ATP8B4: variants seen among roughly 807,000 people sequenced by gnomAD.
The protein encoded by ATP8B4 is ATPase phospholipid transporting 8B4 (putative), also known as probable phospholipid-transporting ATPase IM.
In ATP8B4, 133 loss-of-function variants were observed where a neutral mutation model predicts 145.6. That is an observed-to-expected ratio of 0.91 (90% CI 0.79 to 1.05). ATP8B4 has a LOEUF of 1.05. Ranked by LOEUF, ATP8B4 falls within the 50% of genes least tolerant of loss-of-function variation. ATP8B4 has a pLI of 0.00. For missense variants in ATP8B4, 1,458 were observed against 1,425.2 expected, an observed-to-expected ratio of 1.02 and a Z score of -0.37; for synonymous variants, 507 against 492.9, an observed-to-expected ratio of 1.03 and a Z score of -0.38.
At chr15:49,927,973 T>C (rs933057607) in intron 16 of ATP8B4, among the ~76,000 whole-genome samples, 1 of 152,288 alleles carries the variant, frequency 6.6e-6, no homozygotes, top group East Asian at 1.9e-4. Context: ...AACCCTACTG[T>C]TACGTATAAA....
At chr15:50,021,920 G>A (rs2049606551) in intron 6 of ATP8B4, among the ~76,000 whole-genome samples, 1 of 152,110 alleles carries the variant, frequency 6.6e-6, no homozygotes, top group African/African-American at 2.4e-5. Context: ...TAGTTCTAGA[G>A]CTGACACGAG....
chr15:49,884,613 G>GAAAAAAAAAAAAAAAA (rs60012082), intron 23 of ATP8B4, among the ~76,000 whole-genome samples: 2 of 117,656 alleles, frequency 1.7e-5, no homozygotes, highest in Non-Finnish European at 1.7e-5. Flanking sequence ...CAAAAAAAAA[G>GAAAAAAAAAAAAAAAA]AAAAAAAAAA....
chr15:49,952,888 G>A (rs1039979012), intron 14 of ATP8B4, among the ~76,000 whole-genome samples: 9 of 139,628 alleles, frequency 6.4e-5, no homozygotes, highest in African/African-American at 2.2e-4. Flanking sequence ...GTTTTTGTGG[G>A]GGCCTTTTGT....
At chr15:50,129,946 C>CA (rs59921497) in intron 1 of ATP8B4, among the ~76,000 whole-genome samples, 23 of 88,102 alleles carry the variant, frequency 2.6e-4, no homozygotes, top group African/African-American at 5.8e-4. Flanking sequence ...GACTCTGACT[C>CA]AAAAAAAAAA....
chr15:50,039,199 G>A (rs2153600731), intron 5 of ATP8B4, among the ~76,000 whole-genome samples: 1 of 152,298 alleles, frequency 6.6e-6, no homozygotes, highest in African/African-American at 2.4e-5. Context: ...TCTCCCATGT[G>A]TACTGAATGC....
intron 12 of ATP8B4, among the ~76,000 whole-genome samples, chr15:49,979,349 G>C (rs1298679399): frequency 6.6e-6 from 1 of 152,108 alleles, no homozygotes; most frequent in Non-Finnish European, 1.5e-5. Context: ...GGTTACATGA[G>C]ATTATATTGT....
chr15:50,094,698 G>A (rs899247813), intron 2 of ATP8B4, among the ~76,000 whole-genome samples: 2 of 123,022 alleles, frequency 1.6e-5, no homozygotes, highest in Non-Finnish European at 3.5e-5. Context: ...ATGTGTGTGT[G>A]TATATATATA....
At chr15:50,005,615 T>A (rs958999455) in intron 7 of ATP8B4, among the ~76,000 whole-genome samples, 1 of 152,076 alleles carries the variant, frequency 6.6e-6, no homozygotes, top group South Asian at 2.1e-4. Flanking sequence ...TCCAAAGTCA[T>A]TGAGGAACCC....
chr15:49,889,265 A>C (rs1230286041), intron 23 of ATP8B4, among the ~76,000 whole-genome samples: 1 of 152,186 alleles, frequency 6.6e-6, no homozygotes, highest in Non-Finnish European at 1.5e-5. Context: ...CAGCTCCTGC[A>C]GGATCAGGAT....
chr15:49,861,326 G>T (rs1484843394), intron 27 of ATP8B4, among the ~76,000 whole-genome samples: 1 of 151,766 alleles, frequency 6.6e-6, no homozygotes, highest in Non-Finnish European at 1.5e-5. Flanking sequence ...ATATGACAAG[G>T]GACTCCGAAT....
At chr15:50,121,290 T>A (rs1199874399), upstream of ATP8B4, among the ~76,000 whole-genome samples, 2 of 151,798 alleles carry the variant, frequency 1.3e-5, no homozygotes, top group Admixed American at 1.3e-4. Flanking sequence ...GAAGAATAGG[T>A]GAATTCACAG....
In ATP8B4 at chr15:49,981,281, T is replaced by C; in HGVS notation, c.762A>G (p.Lys254=). ...TTGTCTTACCACTATTCTGCATTAGTTTAGTGTCAGGACCTGCAAAAACAA... is the reference window on the plus strand; with the variant it reads ...TTGTCTTACCACTATTCTGCATTAGCTTAGTGTCAGGACCTGCAAAAACAA... ...GMVIFAGPDT[K]LMQNSGKTKF... The change falls in exon 11 of 28, where the codon AAA becomes AAG. Residue 254 remains lysine, a synonymous_variant. Transcript: ENST00000284509. 6.2e-7 allele frequency: 1 copy of C among 1,608,148 alleles called. No homozygotes were observed. The highest frequency in any genetic ancestry group is 8.5e-7 in the Non-Finnish European group (1 of 1,178,026).
intron 1 of ATP8B4, among the ~76,000 whole-genome samples, chr15:50,136,179 G>A (rs28695746): frequency 5.7e-4 from 87 of 152,220 alleles, no homozygotes; most frequent in African/African-American, 1.9e-3. Context: ...TATGAGGGCC[G>A]TGTGTCTGGC....
chr15:50,071,386 G>A (rs36102158), intron 3 of ATP8B4, among the ~76,000 whole-genome samples: 21,449 of 152,108 alleles, frequency 0.14, 1,933 homozygotes, highest in Non-Finnish European at 0.21. Context: ...TGAAAAGAGC[G>A]TATCACTTTA....
At chr15:49,914,792 T>A (rs572783216) in intron 20 of ATP8B4, among the ~76,000 whole-genome samples, 1 of 152,122 alleles carries the variant, frequency 6.6e-6, no homozygotes, top group African/African-American at 2.4e-5. Flanking sequence ...CTAGAATAGC[T>A]ACTATTAAAT....
chr15:49,884,241 T>C (rs899033769), intron 23 of ATP8B4, among the ~76,000 whole-genome samples: 1 of 152,138 alleles, frequency 6.6e-6, no homozygotes, highest in African/African-American at 2.4e-5. Context: ...TCCAAGCCTA[T>C]GAACCTTAGT....
chr15:50,101,603 T>C lies in ATP8B4; in HGVS notation c.28+5336A>G, dbSNP rs573086996. On this transcript the variant is annotated intron_variant, in intron 2 of 27. Coordinates refer to ENST00000284509, the MANE Select transcript of ATP8B4 (RefSeq NM_024837.4). The stretch of plus-strand genomic sequence containing the variant: ...CCCAAATTTATAAAACAATTACTAC[T>C]AGACCTAAGAAACAAGATAGACAGC... 1.3e-4 allele frequency among the ~76,000 whole-genome samples: 20 copies of C among 152,198 alleles called. No individual in the cohort carries two copies. In the South Asian group the frequency reaches 3.3e-3, roughly 25 times the overall value.
intron 17 of ATP8B4, among the ~76,000 whole-genome samples, chr15:49,920,766 C>T (rs1440797850): frequency 6.6e-6 from 1 of 152,116 alleles, no homozygotes; most frequent in Non-Finnish European, 1.5e-5. Context: ...CGGAAGGAAG[C>T]ATTTCTGGCC....
intron 13 of ATP8B4, among the ~76,000 whole-genome samples, chr15:49,968,175 C>G (rs1338102296): frequency 1.3e-5 from 2 of 152,130 alleles, no homozygotes; most frequent in Non-Finnish European, 2.9e-5. Context: ...AAAAACATAC[C>G]AAATTGTAAA....
Sources: gnomAD v4.1 joint callset for allele counts (sites outside exome capture counted in the v4.1 genomes callset) on GRCh38, gnomAD v4.1.1 for gene constraint, MANE v1.5 for transcripts, NCBI Gene and HGNC (gene_info 2026-07-23, HGNC 2026-07-21) for gene names.